The following PPARD variants were observed in gnomAD, a reference collection of about 807,000 sequenced individuals.
The protein encoded by PPARD is peroxisome proliferator-activated receptor delta.
A neutral mutation model predicts 39.5 loss-of-function variants in PPARD; 6 were observed. The ratio of observed to expected loss-of-function variants is 0.15; its 90% CI spans 0.08 to 0.30. PPARD has a LOEUF of 0.30. Among genes scored for constraint, PPARD ranks in the 10% least tolerant of loss-of-function variants. The probability of loss-of-function intolerance (pLI) is 1.00; values close to 1 mark genes in which losing one functional copy is unlikely to be tolerated. For missense variants in PPARD, 397 were observed against 596.8 expected (o/e 0.67, Z 3.49); for synonymous variants, 210 against 231.3 (o/e 0.91, Z 0.83).
At chr6:35,406,117 G>C (rs1054451585) in intron 2 of PPARD, among the ~76,000 whole-genome samples, 2 of 152,106 alleles carry the variant, frequency 1.3e-5, no homozygotes, top group East Asian at 1.9e-4. Context: ...GTAGAGACAG[G>C]GTTTTGCCAT....
intron 3 of PPARD, 73 bp from the exon 4 acceptor site, chr6:35,420,054 G>A: frequency 6.5e-7 from 1 of 1,548,054 alleles, no homozygotes; most frequent in Non-Finnish European, 8.7e-7. Flanking sequence ...GGCGAGGGCT[G>A]TGGGGCTGTT....
At chr6:35,344,993 A>G (rs566264280) in intron 1 of PPARD, among the ~76,000 whole-genome samples, 21 of 152,238 alleles carry the variant, frequency 1.4e-4, no homozygotes, top group Non-Finnish European at 2.6e-4. Context: ...CAAGTGTTGG[A>G]CAGATTTTTA....
chr6:35,360,862 C>T (rs1324689162), intron 2 of PPARD, among the ~76,000 whole-genome samples: 2 of 152,152 alleles, frequency 1.3e-5, no homozygotes, highest in Non-Finnish European at 2.9e-5. Context: ...GCAGGGATGG[C>T]GCTAGAAATC....
chr6:35,398,186 G>A (rs1764465835), intron 2 of PPARD, among the ~76,000 whole-genome samples: 1 of 152,158 alleles, frequency 6.6e-6, no homozygotes, highest in African/African-American at 2.4e-5. Flanking sequence ...ATTTTAGAAG[G>A]ATCACTTTGA....
intron 2 of PPARD, among the ~76,000 whole-genome samples, chr6:35,354,185 G>T (rs1162195767): frequency 1.5e-5 from 2 of 132,106 alleles, no homozygotes; most frequent in Admixed American, 1.7e-4. Context: ...TGAGCCGAGT[G>T]CATGCCACTG....
At chr6:35,374,354 T>C (rs536869883) in intron 2 of PPARD, among the ~76,000 whole-genome samples, 1 of 151,754 alleles carries the variant, frequency 6.6e-6, no homozygotes, top group East Asian at 1.9e-4. Context: ...ATTTTTGTTT[T>C]GTTTTAGAAG....
intron 3 of PPARD, among the ~76,000 whole-genome samples, chr6:35,413,762 A>C (rs6899536): frequency 0.85 from 129,258 of 151,396 alleles, 55,334 homozygotes; most frequent in African/African-American, 0.9. Flanking sequence ...CAACTCACTG[A>C]AACCTCTGCC....
At chr6:35,415,372 C>T (rs1002158001) in intron 3 of PPARD, among the ~76,000 whole-genome samples, 10 of 152,220 alleles carry the variant, frequency 6.6e-5, no homozygotes, top group Non-Finnish European at 1.5e-5. Context: ...ATAGACCAAT[C>T]GGGCGCCTCC....
At chr6:35,400,683 C>T (rs1345351248) in intron 2 of PPARD, among the ~76,000 whole-genome samples, 1 of 151,924 alleles carries the variant, frequency 6.6e-6, no homozygotes, top group Non-Finnish European at 1.5e-5. Flanking sequence ...ACCTGTGGTC[C>T]CAGCTACTCA....
chr6:35,355,595 C>CTTTTTTTTTT (rs1442980844), intron 2 of PPARD, among the ~76,000 whole-genome samples: 5 of 50,444 alleles, frequency 9.9e-5, no homozygotes, highest in East Asian at 7.7e-4. Flanking sequence ...TCTTCTTCTT[C>CTTTTTTTTTT]TTCTTTTTTT....
intron 2 of PPARD, among the ~76,000 whole-genome samples, chr6:35,349,157 C>T (rs1761078287): frequency 6.6e-6 from 1 of 152,016 alleles, no homozygotes; most frequent in African/African-American, 2.4e-5. Flanking sequence ...TCCTGAGTAG[C>T]TGGGACTACA....
chr6:35,365,919 A>G (rs1032955875), intron 2 of PPARD, among the ~76,000 whole-genome samples: 1 of 151,784 alleles, frequency 6.6e-6, no homozygotes, highest in African/African-American at 2.4e-5. Flanking sequence ...TAGGTGCAGT[A>G]ATGGAGATAG....
Position 35,404,953 on chromosome 6 carries a change from T to TTGTGTGTGTGTGTGTGTGTGTG in PPARD, c.-101-6008_-101-5987dup, listed in dbSNP as rs59359748. On this transcript the variant is annotated intron_variant, in intron 2 of 7. Transcript: ENST00000360694. The stretch of plus-strand genomic sequence containing the variant: ...GGGGGCTGCATGTGCACTGCAGGCT[T>TTGTGTGTGTGTGTGTGTGTGTG]TGTGTGTGTGTGTGTGTGTGTGTGT... 5.6e-5 allele frequency among the ~76,000 whole-genome samples: 8 copies of TTGTGTGTGTGTGTGTGTGTGTG among 142,132 alleles called. No homozygotes were observed. The East Asian group carries it at 1.5e-3, about 26-fold the overall frequency. 93.2% of individuals were successfully genotyped at this position (142,132 alleles called of 152,430 possible). A position where few individuals can be genotyped will look rare whatever the true frequency, so the allele number is the denominator to read the frequency against.
intron 2 of PPARD, among the ~76,000 whole-genome samples, chr6:35,374,684 A>C (rs1762701866): frequency 2.0e-5 from 3 of 151,870 alleles, no homozygotes; most frequent in Non-Finnish European, 2.9e-5. Context: ...AAAAGGAAAA[A>C]TATGTACATT....
chr6:35,418,620 G>A (rs1003053832), intron 3 of PPARD, among the ~76,000 whole-genome samples: 6 of 152,224 alleles, frequency 3.9e-5, no homozygotes, highest in Admixed American at 3.9e-4. Flanking sequence ...GACCAAAGCG[G>A]CTTCACCCTC....
chr6:35,357,236 C>T (rs1021216521), intron 2 of PPARD, among the ~76,000 whole-genome samples: 2 of 152,200 alleles, frequency 1.3e-5, no homozygotes, highest in African/African-American at 4.8e-5. Flanking sequence ...CAGATGGGTT[C>T]TCAGAACCCT....
intron 2 of PPARD, among the ~76,000 whole-genome samples, chr6:35,382,983 T>C (rs1763237785): frequency 6.6e-6 from 1 of 152,230 alleles, no homozygotes; most frequent in Non-Finnish European, 1.5e-5. Flanking sequence ...ACTGCACCCG[T>C]ATCAGAGTGT....
intron 2 of PPARD, among the ~76,000 whole-genome samples, chr6:35,400,306 C>T (rs1011940543): frequency 4.6e-5 from 7 of 152,266 alleles, no homozygotes; most frequent in Non-Finnish European, 8.8e-5. Flanking sequence ...CATTCACAGG[C>T]GAGCAAGAGC....
chr6:35,367,106 G>A (rs1427423019), intron 2 of PPARD, among the ~76,000 whole-genome samples: 2 of 152,172 alleles, frequency 1.3e-5, no homozygotes, highest in African/African-American at 2.4e-5. Context: ...AAAGGAAATG[G>A]AGGAGTGTAA....
Sources: gnomAD v4.1 joint callset for allele counts (sites outside exome capture counted in the v4.1 genomes callset) on GRCh38, gnomAD v4.1.1 for gene constraint, MANE v1.5 for transcripts, NCBI Gene and HGNC (gene_info 2026-07-23, HGNC 2026-07-21) for gene names.